Variants in HDAC8 observed in about 807,000 individuals in gnomAD.
HDAC8 encodes the protein histone deacetylase-like 1.
HDAC8 carries 1 observed loss-of-function variant against 32.2 expected under a neutral mutation model. The observed-to-expected ratio is 0.03, with a 90% CI of 0.01 to 0.15. The LOEUF is 0.15. Ranked by LOEUF, HDAC8 falls within the 10% of genes least tolerant of loss-of-function variation. The pLI, the probability that HDAC8 is intolerant of heterozygous loss-of-function variation, is 1.00. For synonymous variants in HDAC8, 108 were observed against 113.9 expected (o/e 0.95, Z 0.33); for missense variants, 117 against 300.0 (o/e 0.39, Z 4.51).
At chrX:72,371,464 G>T (rs2044874483) in intron 9 of HDAC8, among the ~76,000 whole-genome samples, 1 of 111,818 alleles carries the variant, frequency 8.9e-6, no homozygotes, top group African/African-American at 3.3e-5. Flanking sequence ...GAGGGCAGGT[G>T]TATGTTGGAA....
chrX:72,462,178 G>GA, intron 8 of HDAC8, 80 bp from the exon 9 acceptor site: 1 of 767,824 alleles, frequency 1.3e-6, no homozygotes, highest in South Asian at 2.4e-5. Context: ...AGGAAAGAGA[G>GA]AAAAATGTTT....
In HDAC8 at chrX:72,487,334, A is replaced by C. The variant is rs782194750; in HGVS notation, c.737+1599T>G. On this transcript the variant is annotated intron_variant, in intron 7 of 10. Coordinates refer to ENST00000373573, the MANE Select transcript of HDAC8 (RefSeq NM_018486.3). ...AGGAACTGGTCTACAGAAAAAAAAG[A>C]GAAAATATAGGGTAGAAACAGATAT... Among the ~76,000 whole-genome samples, 15 of 111,979 alleles carry C rather than the reference A, an allele frequency of 1.3e-4. No individual in the cohort carries two copies. The Middle Eastern group carries it at 0.014, about 105-fold the overall frequency.
intron 7 of HDAC8, among the ~76,000 whole-genome samples, chrX:72,483,443 G>A (rs927261683): frequency 1.8e-5 from 2 of 111,107 alleles, no homozygotes; most frequent in Admixed American, 9.6e-5. Flanking sequence ...TCCCTCTTGT[G>A]TGATATGCTG....
At chrX:72,469,706 C>T (rs2048114132) in intron 7 of HDAC8, among the ~76,000 whole-genome samples, 1 of 111,890 alleles carries the variant, frequency 8.9e-6, no homozygotes, top group Admixed American at 9.5e-5. Flanking sequence ...ATTCTACAAA[C>T]ATTAATTGAG....
intron 4 of HDAC8, among the ~76,000 whole-genome samples, chrX:72,545,439 C>T (rs2050830903): frequency 8.9e-6 from 1 of 112,252 alleles, no homozygotes; most frequent in Non-Finnish European, 1.9e-5. Context: ...TCCTTATAAC[C>T]CTATAAGGTA....
chrX:72,368,572 G>T (rs1406233367), intron 9 of HDAC8, among the ~76,000 whole-genome samples: 1 of 111,183 alleles, frequency 9.0e-6, no homozygotes, highest in Admixed American at 9.5e-5. Flanking sequence ...GGCCAGGATG[G>T]TCTCGATCTC....
In HDAC8 at chrX:72,329,824, T is replaced by A; in HGVS notation, c.*230A>T. Reference sequence around the variant, plus strand: ...TGTGTGTTTTTTTAAATAAGAACTTTAAATGTGGGATATCTCCTTCTTCCC... The same window carrying A: ...TGTGTGTTTTTTTAAATAAGAACTTAAAATGTGGGATATCTCCTTCTTCCC... On this transcript the variant is annotated 3_prime_UTR_variant, in exon 11 of 11. Transcript: ENST00000373573. 1 of 1,004,291 alleles carries A rather than the reference T, an allele frequency of 1.0e-6. No individual in the cohort carries two copies. Among genetic ancestry groups the A allele is most frequent in the Non-Finnish European group, 1.4e-6 (1 of 732,488 alleles). The allele number at this position is 1,004,291 out of a possible 1,213,427, so 82.8% of individuals were successfully genotyped here. A position where few individuals can be genotyped will look rare whatever the true frequency, so the allele number is the denominator to read the frequency against.
chrX:72,443,565 T>C (rs1392824718), intron 9 of HDAC8, among the ~76,000 whole-genome samples: 1 of 111,707 alleles, frequency 9.0e-6, no homozygotes, highest in African/African-American at 3.3e-5. Flanking sequence ...TAGCACTAAA[T>C]GCCCACAAGA....
intron 7 of HDAC8, chrX:72,474,793 G>C (rs1569325868): frequency 1.5e-6 from 1 of 684,944 alleles, no homozygotes; most frequent in Non-Finnish European, 2.3e-6. Context: ...AAAAGCCCAA[G>C]AACAAAATCG....
intron 4 of HDAC8, among the ~76,000 whole-genome samples, chrX:72,508,307 G>T (rs187888019): frequency 1.7e-4 from 19 of 111,817 alleles, no homozygotes; most frequent in Non-Finnish European, 3.4e-4. Context: ...CCTGTGCCAG[G>T]AACTGTACTA....
intron 9 of HDAC8, among the ~76,000 whole-genome samples, chrX:72,362,111 A>G (rs1266787224): frequency 9.0e-6 from 1 of 111,451 alleles, no homozygotes; most frequent in Non-Finnish European, 1.9e-5. Flanking sequence ...CAAATTTCAC[A>G]TTGAAATGTG....
At chrX:72,444,020 G>A (rs2047277970) in intron 9 of HDAC8, among the ~76,000 whole-genome samples, 1 of 109,385 alleles carries the variant, frequency 9.1e-6, no homozygotes, top group Admixed American at 9.7e-5. Context: ...CCAATAAGAG[G>A]CTCTGAAATT....
chrX:72,420,488 C>G (rs1348777524), intron 9 of HDAC8, among the ~76,000 whole-genome samples: 2 of 112,076 alleles, frequency 1.8e-5, no homozygotes, highest in Non-Finnish European at 3.8e-5. Context: ...TTGCATCTTT[C>G]TTTTTTCTTT....
At chrX:72,539,717 A>G (rs1603207289) in intron 4 of HDAC8, among the ~76,000 whole-genome samples, 1 of 111,866 alleles carries the variant, frequency 8.9e-6, no homozygotes, top group East Asian at 2.8e-4. Flanking sequence ...CCATCAGATG[A>G]TAACTAGACA....
intron 7 of HDAC8, among the ~76,000 whole-genome samples, chrX:72,482,998 G>A (rs981534865): frequency 8.9e-6 from 1 of 111,809 alleles, no homozygotes; most frequent in African/African-American, 3.3e-5. Flanking sequence ...GCTCCAGGGT[G>A]CAGGAGCCTC....
intron 7 of HDAC8, among the ~76,000 whole-genome samples, chrX:72,488,019 T>C (rs2048736580): frequency 9.0e-6 from 1 of 110,967 alleles, no homozygotes; most frequent in Admixed American, 9.6e-5. Context: ...AGGCTTATGC[T>C]GCTGAATAAC....
At chrX:72,485,693 G>A (rs1200542174) in intron 7 of HDAC8, among the ~76,000 whole-genome samples, 1 of 111,480 alleles carries the variant, frequency 9.0e-6, no homozygotes, top group African/African-American at 3.3e-5. Flanking sequence ...GGAAAAAGGA[G>A]CAATTTATGA....
rs782680406 is a variant in HDAC8 at position 72,444,078 on chromosome X, T to C, written c.1005+17926A>G. Among the ~76,000 whole-genome samples, 5 of 109,905 alleles carry C rather than the reference T, an allele frequency of 4.5e-5. No individual in the cohort carries two copies. In the East Asian group the frequency reaches 1.4e-3, roughly 32 times the overall value. On this transcript the variant is annotated intron_variant, in intron 9 of 10. Transcript: ENST00000373573. Reference sequence around the variant, plus strand: ...CAACCAAAAAGAGTCCAGGACCAGATGGATTCACAGCTGAATTCCACCAGA... The same window carrying C: ...CAACCAAAAAGAGTCCAGGACCAGACGGATTCACAGCTGAATTCCACCAGA...
chrX:72,456,415 GA>G (rs1358456352), intron 9 of HDAC8, among the ~76,000 whole-genome samples: 1 of 111,303 alleles, frequency 9.0e-6, no homozygotes, highest in East Asian at 2.8e-4. Flanking sequence ...AAAGAGAAAG[GA>G]AAAAAATGGA....
Sources: allele counts gnomAD v4.1 joint callset (sites outside exome capture counted in the v4.1 genomes callset), GRCh38; gene constraint gnomAD v4.1.1; transcripts MANE v1.5; gene names NCBI Gene and HGNC (gene_info 2026-07-23, HGNC 2026-07-21).